SAMMSON: variants seen among roughly 807,000 people sequenced by gnomAD.
SAMMSON encodes long intergenic non-protein coding RNA 1212.
chr3:70,301,957 T>A (rs1390095435), intron 7 of SAMMSON, among the ~76,000 whole-genome samples: 1 of 152,140 alleles, frequency 6.6e-6, no homozygotes, highest in African/African-American at 2.4e-5. Flanking sequence ...TTAGAAATCA[T>A]GAAGCACTTT....
intron 6 of SAMMSON, among the ~76,000 whole-genome samples, chr3:70,262,417 C>A (rs879371158): frequency 6.6e-6 from 1 of 152,008 alleles, no homozygotes; most frequent in Non-Finnish European, 1.5e-5. Flanking sequence ...TTAAAAGATG[C>A]GGATGCATTC....
At chr3:70,430,683 T>C (rs1575647946) in intron 2 of SAMMSON, among the ~76,000 whole-genome samples, 1 of 152,178 alleles carries the variant, frequency 6.6e-6, no homozygotes, top group East Asian at 1.9e-4. Context: ...TTTTTACTAT[T>C]GTTATCAGCA....
At chr3:70,048,851 A>G (rs376188213) in intron 3 of SAMMSON, among the ~76,000 whole-genome samples, 8 of 152,234 alleles carry the variant, frequency 5.3e-5, no homozygotes, top group African/African-American at 1.9e-4. Context: ...TAAACCCTAC[A>G]TCTACAACAG....
At chr3:70,424,485 GT>G (rs966414848) in intron 2 of SAMMSON, among the ~76,000 whole-genome samples, 113 of 151,480 alleles carry the variant, frequency 7.5e-4, no homozygotes, top group African/African-American at 2.1e-3. Flanking sequence ...TAAATACCAA[GT>G]TTTTTTTTAA....
At chr3:70,089,207 A>G (rs1202972959) in intron 4 of SAMMSON, among the ~76,000 whole-genome samples, 3 of 152,196 alleles carry the variant, frequency 2.0e-5, no homozygotes, top group Admixed American at 1.3e-4. Context: ...ATGCCCAGAC[A>G]AGAATAGAAG....
At chr3:70,389,286 G>A (rs1701021214) in intron 9 of SAMMSON, among the ~76,000 whole-genome samples, 1 of 152,038 alleles carries the variant, frequency 6.6e-6, no homozygotes, top group Non-Finnish European at 1.5e-5. Flanking sequence ...AGTATAAAAT[G>A]GTAACTTGAA....
intron 6 of SAMMSON, among the ~76,000 whole-genome samples, chr3:70,285,867 T>C (rs1413262184): frequency 1.3e-5 from 2 of 151,940 alleles, no homozygotes; most frequent in African/African-American, 2.4e-5. Flanking sequence ...TTTTGAGAAG[T>C]GTCTGTTCAT....
Position 70,250,156 on chromosome 3 carries a change from C to A in SAMMSON, n.674+486C>A, listed in dbSNP as rs150536074. 2.0e-5 allele frequency among the ~76,000 whole-genome samples: 3 copies of A among 152,276 alleles called. No individual in the cohort carries two copies. The East Asian group carries it at 5.8e-4, about 29-fold the overall frequency. On this transcript the variant is annotated intron_variant and non_coding_transcript_variant, in intron 6 of 9. Coordinates refer to ENST00000642114, the Ensembl canonical transcript of SAMMSON. The stretch of plus-strand genomic sequence containing the variant: ...CTGTTGCTAGTTATTCTTCTCTGTT[C>A]AATAAATATTGTGAAGGATTTGGAG...
chr3:70,266,446 G>T (rs1483585854), intron 6 of SAMMSON, among the ~76,000 whole-genome samples: 1 of 151,698 alleles, frequency 6.6e-6, no homozygotes, highest in African/African-American at 2.4e-5. Context: ...TAGAGACAGG[G>T]TCTCATTTCT....
chr3:70,184,982 T>C (rs556335518), intron 4 of SAMMSON, among the ~76,000 whole-genome samples: 3 of 152,350 alleles, frequency 2.0e-5, no homozygotes, highest in Non-Finnish European at 4.4e-5. Context: ...CAGTCCTTTT[T>C]GATTAGGTGT....
intron 4 of SAMMSON, among the ~76,000 whole-genome samples, chr3:70,108,031 A>G (rs758248090): frequency 6.6e-6 from 1 of 152,228 alleles, no homozygotes; most frequent in African/African-American, 2.4e-5. Flanking sequence ...TAATTTACAC[A>G]GTAATTAATA....
At chr3:70,267,240 A>G (rs1313206102) in intron 6 of SAMMSON, among the ~76,000 whole-genome samples, 1 of 152,150 alleles carries the variant, frequency 6.6e-6, no homozygotes, top group Non-Finnish European at 1.5e-5. Context: ...TACGAAGGGC[A>G]GAATGCAAAA....
intron 9 of SAMMSON, among the ~76,000 whole-genome samples, chr3:70,369,399 A>G (rs1317497173): frequency 5.3e-5 from 8 of 151,778 alleles, no homozygotes; most frequent in Admixed American, 5.3e-4. Flanking sequence ...AATTTTTTAA[A>G]TTCTCTCAAA....
At chr3:70,053,616 A>C (rs1387349629) in intron 3 of SAMMSON, among the ~76,000 whole-genome samples, 1 of 152,022 alleles carries the variant, frequency 6.6e-6, no homozygotes, top group Non-Finnish European at 1.5e-5. Context: ...TATTTTATGC[A>C]CTCAGTTTTT....
chr3:70,314,271 A>G (rs1315448096), intron 7 of SAMMSON, among the ~76,000 whole-genome samples: 1 of 152,226 alleles, frequency 6.6e-6, no homozygotes, highest in African/African-American at 2.4e-5. Flanking sequence ...TAATCATTAG[A>G]TAAACTAAAA....
intron 4 of SAMMSON, among the ~76,000 whole-genome samples, chr3:70,089,469 A>T (rs2067297799): frequency 6.6e-6 from 1 of 151,834 alleles, no homozygotes; most frequent in Non-Finnish European, 1.5e-5. Context: ...TTTAGGATTC[A>T]AACTCAGAAA....
chr3:70,188,222 G>A (rs1701106512), intron 4 of SAMMSON, among the ~76,000 whole-genome samples: 1 of 152,180 alleles, frequency 6.6e-6, no homozygotes, highest in Admixed American at 6.5e-5. Context: ...ACAAACTCTA[G>A]AGTTCAAATA....
intron 6 of SAMMSON, among the ~76,000 whole-genome samples, chr3:70,289,476 T>C (rs1438738019): frequency 6.7e-6 from 1 of 149,834 alleles, no homozygotes; most frequent in Non-Finnish European, 1.5e-5. Flanking sequence ...AACCTTTCTC[T>C]CTGGCTGCCC....
chr3:70,286,264 G>T (rs533293676), intron 6 of SAMMSON, among the ~76,000 whole-genome samples: 3 of 152,250 alleles, frequency 2.0e-5, no homozygotes, highest in Admixed American at 2.0e-4. Context: ...TCCAGTTTCA[G>T]CTTTCTACAT....
Sources: gnomAD v4.1 joint callset for allele counts (sites outside exome capture counted in the v4.1 genomes callset) on GRCh38, gnomAD v4.1.1 for gene constraint, MANE v1.5 for transcripts, NCBI Gene and HGNC (gene_info 2026-07-23, HGNC 2026-07-21) for gene names.